Variants in RGPD4 observed in about 807,000 individuals in gnomAD.
RGPD4 encodes the protein RANBP2 like and GRIP domain containing 4.
In RGPD4, 84 loss-of-function variants were observed where a neutral mutation model predicts 141.1. That is an observed-to-expected ratio of 0.60 (90% CI 0.50 to 0.71). RGPD4 has a LOEUF of 0.71. RGPD4 is among the 30% of genes least tolerant of loss of function. The pLI, the probability that RGPD4 is intolerant of heterozygous loss-of-function variation, is 0.00. For missense variants in RGPD4, 918 were observed against 1,622.4 expected, an observed-to-expected ratio of 0.57 and a Z score of 7.46; for synonymous variants, 298 against 566.8, an observed-to-expected ratio of 0.53 and a Z score of 6.74.
intron 7 of RGPD4, among the ~76,000 whole-genome samples, chr2:107,849,426 G>T (rs1401233301): frequency 7.1e-6 from 1 of 140,506 alleles, no homozygotes; most frequent in Non-Finnish European, 1.5e-5. Flanking sequence ...GAGTGCAGTG[G>T]CACGATCTCG....
chr2:107,881,950 G>A lies in RGPD4; in HGVS notation c.5065-722G>A, dbSNP rs895127907. Among the ~76,000 whole-genome samples, 37 of 151,882 alleles carry A rather than the reference G, an allele frequency of 2.4e-4. 1 individual carries two copies. Among genetic ancestry groups the A allele is most frequent in the African/African-American group, 6.8e-4 (28 of 41,184 alleles). On this transcript the variant is annotated intron_variant, in intron 21 of 22. Transcript: ENST00000408999. Reference sequence around the variant, plus strand: ...AACTGCCTGGGACTTCAGGAACAGCGTAGGGGCAGGGGGTTAGTGGAGGCT... The same window carrying A: ...AACTGCCTGGGACTTCAGGAACAGCATAGGGGCAGGGGGTTAGTGGAGGCT...
intron 20 of RGPD4, among the ~76,000 whole-genome samples, chr2:107,879,309 T>C (rs1177994630): frequency 4.8e-5 from 5 of 103,694 alleles, no homozygotes. Flanking sequence ...CTGTTCAAAA[T>C]TTAGGGGGAA....
At position 107,859,482 on chromosome 2, in the gene RGPD4, G is replaced by A. The variant is rs1682459251; in HGVS notation, c.1562G>A (p.Cys521Tyr). The change falls in exon 11 of 23, where the codon TGT becomes TAT. Residue 521 changes from cysteine (C) to tyrosine (Y), a missense_variant. Physicochemically the swap from Cys to Tyr is radical, Grantham distance 194. Transcript: ENST00000408999. ...CCGTTATGCCTGCCCCTTCCTGTAT[G>A]TAAACAGCTTTGTACAGAAAGACAA... ...YQPLCLPLPV[C>Y]KQLCTERQKS... 4.3e-6 allele frequency: 7 copies of A among 1,611,164 alleles called. No homozygotes were observed. Among genetic ancestry groups the A allele is most frequent in the African/African-American group, 1.3e-5 (1 of 74,238 alleles).
At position 107,857,937 on chromosome 2, in the gene RGPD4, C is replaced by G. The variant is rs568546933; in HGVS notation, c.1276+968C>G. ...CTGGGAGGTGGAGGTTGCAGTGAGC[C>G]AAGATGACACTGCTGCACTACAGCC... On this transcript the variant is annotated intron_variant, in intron 9 of 22. Coordinates refer to ENST00000408999, the MANE Select transcript of RGPD4 (RefSeq NM_182588.3). Among the ~76,000 whole-genome samples, 17 of 152,012 alleles carry G rather than the reference C, an allele frequency of 1.1e-4. No homozygotes were observed. The East Asian group carries it at 3.1e-3, about 28-fold the overall frequency.
intron 22 of RGPD4, among the ~76,000 whole-genome samples, chr2:107,889,017 TA>T (rs1463844451): frequency 7.0e-6 from 1 of 142,032 alleles, no homozygotes; most frequent in Non-Finnish European, 1.5e-5. Flanking sequence ...AACACGCAGA[TA>T]AAACCAGACA....
In RGPD4 at chr2:107,859,392, G is replaced by C. The variant is rs1203330642; in HGVS notation, c.1472G>C (p.Gly491Ala). 6.2e-7 allele frequency: 1 copy of C among 1,608,694 alleles called. No homozygotes were observed. Among genetic ancestry groups the C allele is most frequent in the African/African-American group, 1.4e-5 (1 of 72,796 alleles). ...TAAATAAAACAGGTATTTCTCCTTGGAGTAGTATATACCAGCCACTTACAA... is the reference window on the plus strand; with the variant it reads ...TAAATAAAACAGGTATTTCTCCTTGCAGTAGTATATACCAGCCACTTACAA... ...CILDLEVFLL[G>A]VVYTSHLQLK... The change falls in exon 11 of 23, where the codon GGA becomes GCA. Residue 491 changes from glycine to alanine, a missense_variant. Physicochemically the swap from Gly to Ala is moderately conservative, Grantham distance 60 (BLOSUM62 0). Transcript: ENST00000408999.
intron 20 of RGPD4, among the ~76,000 whole-genome samples, chr2:107,875,531 C>G (rs1656686779): frequency 7.0e-6 from 1 of 142,654 alleles, no homozygotes; most frequent in Non-Finnish European, 1.5e-5. Flanking sequence ...GACTGGCTTA[C>G]TTTATTAAAC....
chr2:107,831,133 TG>T (rs1681469994), intron 1 of RGPD4, among the ~76,000 whole-genome samples: 1 of 73,596 alleles, frequency 1.4e-5, no homozygotes, highest in Non-Finnish European at 3.2e-5. Flanking sequence ...GCAGAGATTG[TG>T]CCACTGCACT....
At chr2:107,881,015 A>G (rs1354885480) in intron 21 of RGPD4, among the ~76,000 whole-genome samples, 1 of 151,754 alleles carries the variant, frequency 6.6e-6, no homozygotes, top group Non-Finnish European at 1.5e-5. Context: ...GAAAAATTGA[A>G]GCTGGTAAAT....
intron 1 of RGPD4, among the ~76,000 whole-genome samples, chr2:107,829,587 C>G (rs866337730): frequency 6.7e-6 from 1 of 148,746 alleles, no homozygotes; most frequent in Non-Finnish European, 1.5e-5. Flanking sequence ...TCATGGCTCC[C>G]GACGGGCGCT....
chr2:107,844,837 T>TG (rs1681864042), intron 6 of RGPD4, among the ~76,000 whole-genome samples: 1 of 91,622 alleles, frequency 1.1e-5, no homozygotes, highest in Non-Finnish European at 2.3e-5. Context: ...TTTGTTTTTT[T>TG]TTTTTTTTTT....
At chr2:107,827,611 C>T (rs1316625937) in intron 1 of RGPD4, among the ~76,000 whole-genome samples, 4 of 58,976 alleles carry the variant, frequency 6.8e-5, no homozygotes, top group African/African-American at 3.3e-4. Flanking sequence ...CGGCGGCGGC[C>T]TCGATGGCTC....
intron 20 of RGPD4, among the ~76,000 whole-genome samples, chr2:107,877,628 A>C (rs1430038907): frequency 3.3e-5 from 5 of 151,368 alleles, no homozygotes; most frequent in Admixed American, 6.6e-5. Flanking sequence ...AATTGCTAGA[A>C]TCTAGTCTTT....
Position 107,880,038 on chromosome 2 carries a change from T to C in RGPD4, c.4995T>C (p.Ser1665=), listed in dbSNP as rs1675304948. 3 of 1,611,438 alleles carry C rather than the reference T, an allele frequency of 1.9e-6. 1 individual carries two copies. Among genetic ancestry groups the C allele is most frequent in the African/African-American group, 2.7e-5 (2 of 74,500 alleles). Residue 1665 remains serine, a synonymous_variant, in exon 21 of 23, where the codon AGT becomes AGC. Coordinates refer to ENST00000408999, the MANE Select transcript of RGPD4 (RefSeq NM_182588.3). The part of the protein sequence containing the change: ...LVQKLSSTTK[S]ADHLNGLLRE... ...AGAAGCTCAGTTCCACCACAAAAAG[T>C]GCAGATCACTTAAACGGCCTGCTTC...
chr2:107,885,338 T>C (rs1448322346), intron 22 of RGPD4, among the ~76,000 whole-genome samples: 1 of 152,166 alleles, frequency 6.6e-6, no homozygotes, highest in East Asian at 1.9e-4. Flanking sequence ...ATTTTAAAAT[T>C]AAAGTTTTCA....
At chr2:107,831,363 A>G (rs62159114) in intron 1 of RGPD4, among the ~76,000 whole-genome samples, 30,439 of 119,592 alleles carry the variant, frequency 0.25, 2,421 homozygotes, top group Non-Finnish European at 0.32. Flanking sequence ...GGGTCTTGCT[A>G]TGTTGCTCAT....
intron 20 of RGPD4, among the ~76,000 whole-genome samples, chr2:107,873,704 G>C (rs1683010617): frequency 6.6e-6 from 1 of 151,768 alleles, no homozygotes. Context: ...ATGTAAGACA[G>C]ATTGGTGGTA....
At chr2:107,857,362 C>T (rs1682359359) in intron 9 of RGPD4, among the ~76,000 whole-genome samples, 1 of 150,944 alleles carries the variant, frequency 6.6e-6, no homozygotes, top group Non-Finnish European at 1.5e-5. Context: ...TGGTCTCAAA[C>T]TCCTGACCTC....
chr2:107,827,338 G>A (rs62159111), intron 1 of RGPD4, among the ~76,000 whole-genome samples: 9 of 64,908 alleles, frequency 1.4e-4, no homozygotes, highest in Admixed American at 2.6e-4. Flanking sequence ...GCCCGGCGGC[G>A]GCCTCGATGG....
Sources: allele counts gnomAD v4.1 joint callset (sites outside exome capture counted in the v4.1 genomes callset), GRCh38; gene constraint gnomAD v4.1.1; transcripts MANE v1.5; gene names NCBI Gene and HGNC (gene_info 2026-07-23, HGNC 2026-07-21).